The following BNIP1 variants were observed in gnomAD, a reference collection of about 807,000 sequenced individuals.
The protein encoded by BNIP1 is BCL2 interacting protein 1, also known as vesicle transport protein SEC20.
A neutral mutation model predicts 28.5 loss-of-function variants in BNIP1; 25 were observed. The observed-to-expected ratio is 0.88, with a 90% confidence interval of 0.64 to 1.23. The LOEUF (loss-of-function observed/expected upper bound fraction) is 1.23, where lower values mean the gene tolerates loss of function less well. Ranked by LOEUF, BNIP1 falls within the 50% of genes most tolerant of loss-of-function variation. BNIP1 has a pLI of 0.00. For synonymous variants in BNIP1, 118 were observed against 101.7 expected, an observed-to-expected ratio of 1.16 and a Z score of -0.96; for missense variants, 276 against 277.0, an observed-to-expected ratio of 1.00 and a Z score of 0.02.
chr5:173,147,046 C>T, intron 2 of BNIP1, 88 bp downstream of exon 2: 1 of 977,120 alleles, frequency 1.0e-6, no homozygotes, highest in Non-Finnish European at 1.6e-6. Context: ...CAAACACCAG[C>T]TGATGGGAGC....
intron 5 of BNIP1, chr5:173,160,686 G>T (rs1004553293): frequency 2.5e-6 from 1 of 398,086 alleles, no homozygotes. Context: ...CTGATTTTCA[G>T]TGAGGGCTCT....
intron 2 of BNIP1, among the ~76,000 whole-genome samples, chr5:173,150,031 G>A (rs1225723018): frequency 6.6e-6 from 1 of 152,226 alleles, no homozygotes; most frequent in Admixed American, 6.5e-5. Context: ...GCCAAGGCGA[G>A]TGGATCGCCT....
At chr5:173,158,040 C>G (rs1039383359) in intron 3 of BNIP1, among the ~76,000 whole-genome samples, 8 of 151,634 alleles carry the variant, frequency 5.3e-5, no homozygotes, top group Non-Finnish European at 8.8e-5. Context: ...GATCTTCGCT[C>G]CTCCGCCTCC....
At chr5:173,145,376 C>T (rs954979792) in intron 1 of BNIP1, among the ~76,000 whole-genome samples, 1 of 152,194 alleles carries the variant, frequency 6.6e-6, no homozygotes, top group Non-Finnish European at 1.5e-5. Context: ...CAAAAAGAAA[C>T]CGAGTTTTAA....
intron 2 of BNIP1, among the ~76,000 whole-genome samples, chr5:173,153,766 G>A (rs1040638454): frequency 2.6e-5 from 4 of 151,988 alleles, no homozygotes; most frequent in Admixed American, 1.3e-4. Context: ...GTAACCTTTC[G>A]TGGGTTTTAG....
In BNIP1 at chr5:173,144,536, C is replaced by G. The variant is rs201515233; in HGVS notation, c.-10C>G. 6.2e-7 allele frequency: 1 copy of G among 1,613,758 alleles called. No individual in the cohort carries two copies. Among genetic ancestry groups the G allele is most frequent in the African/African-American group, 1.3e-5 (1 of 74,922 alleles). On this transcript the variant is annotated 5_prime_UTR_variant, in exon 1 of 6. Transcript: ENST00000351486. ...GGGTCCTGCCGCTGCCCGTAGCCGG[C>G]GTCCCCAACATGGCGGCTCCCCAAG... is the stretch of plus-strand genomic sequence containing the variant.
At chr5:173,156,282 A>G (rs1215494711) in intron 3 of BNIP1, among the ~76,000 whole-genome samples, 1 of 152,168 alleles carries the variant, frequency 6.6e-6, no homozygotes, top group African/African-American at 2.4e-5. Context: ...TCAGCTTAGC[A>G]TGGGTTTAAA....
intron 2 of BNIP1, among the ~76,000 whole-genome samples, chr5:173,153,158 C>A (rs929079946): frequency 2.0e-5 from 3 of 151,558 alleles, no homozygotes. Flanking sequence ...GCAGCTGGGT[C>A]GAGGCCAAGT....
chr5:173,161,852 C>CT (rs1760373056), intron 5 of BNIP1: 2 of 151,966 alleles, frequency 1.3e-5, no homozygotes, highest in South Asian at 4.2e-4. Context: ...TCAAAATTCT[C>CT]CGTAATAATA....
chr5:173,154,524 C>CTTT, intron 3 of BNIP1, 111 bp downstream of exon 3: 2 of 596,834 alleles, frequency 3.4e-6, no homozygotes, highest in East Asian at 3.4e-5. Flanking sequence ...TTAATGGTGT[C>CTTT]TTTTTTTTTT....
intron 2 of BNIP1, among the ~76,000 whole-genome samples, chr5:173,149,101 C>T (rs1759945204): frequency 6.6e-6 from 1 of 152,124 alleles, no homozygotes; most frequent in Non-Finnish European, 1.5e-5. Context: ...CTGGAGGTCT[C>T]TTAGAAGTAG....
At chr5:173,148,608 A>G (rs1392968517) in intron 2 of BNIP1, among the ~76,000 whole-genome samples, 1 of 152,154 alleles carries the variant, frequency 6.6e-6, no homozygotes, top group African/African-American at 2.4e-5. Context: ...CCCTGAGGAC[A>G]GGAACAGGGT....
intron 5 of BNIP1, among the ~76,000 whole-genome samples, chr5:173,163,326 G>A (rs2113864894): frequency 6.6e-6 from 1 of 152,340 alleles, no homozygotes; most frequent in Non-Finnish European, 1.5e-5. Context: ...ATAGGTGGAA[G>A]GTTCTGGTGC....
At chr5:173,156,981 A>G (rs1421409997) in intron 3 of BNIP1, among the ~76,000 whole-genome samples, 2 of 152,068 alleles carry the variant, frequency 1.3e-5, no homozygotes, top group Non-Finnish European at 2.9e-5. Flanking sequence ...AAAAAAAACA[A>G]AAAAAACCAA....
At chr5:173,154,494 G>A in intron 3 of BNIP1, 81 bp downstream of exon 3, 1 of 1,122,402 alleles carries the variant, frequency 8.9e-7, no homozygotes, top group Non-Finnish European at 1.3e-6. Flanking sequence ...TTTGCCTGAT[G>A]GATCTGCTTT....
At chr5:173,148,148 A>G (rs1759919731) in intron 2 of BNIP1, among the ~76,000 whole-genome samples, 2 of 110,748 alleles carry the variant, frequency 1.8e-5, no homozygotes, top group Non-Finnish European at 3.5e-5. Context: ...TTTAATAGAG[A>G]TGGATTTTTT....
chr5:173,148,107 T>A (rs867802894), intron 2 of BNIP1, among the ~76,000 whole-genome samples: 981 of 65,994 alleles, frequency 0.015, 141 homozygotes, highest in African/African-American at 0.048. Context: ...TATATATATA[T>A]ATATATATAT....
Position 173,164,142 on chromosome 5 carries a change from G to A in BNIP1, c.*221G>A. On this transcript the variant is annotated 3_prime_UTR_variant, in exon 6 of 6. Transcript: ENST00000351486. This position sits in a 1 kb window ranked among gnomAD's most constrained non-coding sequence, Gnocchi z 4.0. ...TCTGGCATTGGGATGCCGCCCTGGG[G>A]ACATACGAACCGCCTCCTTCCACCA... 1 of 425,380 alleles carries A rather than the reference G, an allele frequency of 2.4e-6. No individual in the cohort carries two copies. The highest frequency in any genetic ancestry group is 4.1e-6 in the Non-Finnish European group (1 of 243,584). The allele number at this position is 425,380 out of a possible 1,614,324, so 26.4% of individuals were successfully genotyped here. A position where few individuals can be genotyped will look rare whatever the true frequency, so the allele number is the denominator to read the frequency against.
At chr5:173,146,994 T>G in intron 2 of BNIP1, 36 bp downstream of exon 2, 1 of 1,532,726 alleles carries the variant, frequency 6.5e-7, no homozygotes, top group Non-Finnish European at 9.0e-7. Flanking sequence ...AAGGGGGCTC[T>G]GTCCTGGGTA....
Sources: allele counts gnomAD v4.1 joint callset (sites outside exome capture counted in the v4.1 genomes callset), GRCh38; gene constraint gnomAD v4.1.1; non-coding constraint Gnocchi (gnomAD v3.1); transcripts MANE v1.5; gene names NCBI Gene and HGNC (gene_info 2026-07-23, HGNC 2026-07-21).